Variants in RAB7B observed in about 807,000 individuals in gnomAD.
RAB7B encodes ras-related protein Rab-7b.
rs1660385660 is a variant in RAB7B at position 205,976,867 on chromosome 1, C to T, written c.*1984G>A. 1 of 152,236 alleles carries T rather than the reference C, an allele frequency of 6.6e-6. No homozygotes were observed. Among genetic ancestry groups the T allele is most frequent in the Non-Finnish European group, 1.5e-5 (1 of 68,052 alleles). 9.4% of individuals were successfully genotyped at this position (152,236 alleles called of 1,614,324 possible). On this transcript the variant is annotated 3_prime_UTR_variant, in exon 6 of 6. Coordinates refer to ENST00000617070, the MANE Select transcript of RAB7B (RefSeq NM_001164522.3). ...AATCCAGTCTGCCTGACTCCCAGGA[C>T]AGCCTGTGTGATATGCAAAATGCCA...
chr1:206,001,274 C>A (rs1189561123), intron 1 of RAB7B, among the ~76,000 whole-genome samples: 1 of 133,586 alleles, frequency 7.5e-6, no homozygotes, highest in South Asian at 2.1e-4. Context: ...TGGCAGTAGC[C>A]GTCTTTTTTT....
rs950036129 is a variant in RAB7B at position 205,983,255 on chromosome 1, C to G, written c.522+2285G>C. ...GCCCCAGGAACTCATGCCTGGGTCT[C>G]TGGCCTTGGCCTTCTCTCTGCCCTT... On this transcript the variant is annotated intron_variant, in intron 5 of 5. Coordinates refer to ENST00000617070, the MANE Select transcript of RAB7B (RefSeq NM_001164522.3). 1.4e-4 allele frequency among the ~76,000 whole-genome samples: 22 copies of G among 152,376 alleles called. 1 individual carries two copies. The South Asian group carries it at 3.9e-3, about 27-fold the overall frequency.
chr1:205,976,766 A>G lies in RAB7B; in HGVS notation c.*2085T>C, dbSNP rs1660383804. 1 of 152,182 alleles carries G rather than the reference A, an allele frequency of 6.6e-6. No individual in the cohort carries two copies. The highest frequency in any genetic ancestry group is 2.4e-5 in the African/African-American group (1 of 41,444). 9.4% of individuals were successfully genotyped at this position (152,182 alleles called of 1,614,324 possible). On this transcript the variant is annotated 3_prime_UTR_variant, in exon 6 of 6. Coordinates refer to ENST00000617070, the MANE Select transcript of RAB7B (RefSeq NM_001164522.3). ...AAAAACAAAGAAGGACACATTTATT[A>G]TTTGTTGTGCACCTTTAGAAATGGT...
rs1018127612 is a variant in RAB7B at position 205,978,038 on chromosome 1, C to G, written c.*813G>C. The G allele has an allele frequency of 3.3e-5, 5 of 152,208 alleles. No homozygotes were observed. Among genetic ancestry groups the G allele is most frequent in the Admixed American group, 6.5e-5 (1 of 15,286 alleles). 9.4% of individuals were successfully genotyped at this position (152,208 alleles called of 1,614,324 possible). On this transcript the variant is annotated 3_prime_UTR_variant, in exon 6 of 6. Transcript: ENST00000617070. ...TGTCACTGGACTTCAATGCATCGTA[C>G]ATAGTAGATACGCAAAAATAAACTT...
chr1:205,997,806 G>A (rs918781932), intron 1 of RAB7B, among the ~76,000 whole-genome samples: 1 of 152,296 alleles, frequency 6.6e-6, no homozygotes, highest in East Asian at 1.9e-4. Context: ...TTGATACAAC[G>A]TGCTAACTTA....
intron 4 of RAB7B, among the ~76,000 whole-genome samples, 175 bp from the exon 5 acceptor site, chr1:205,985,840 A>AGGCCCACCATCC (rs1660595310): frequency 6.8e-6 from 1 of 147,326 alleles, no homozygotes; most frequent in Admixed American, 6.9e-5. Flanking sequence ...CACCAGGCCC[A>AGGCCCACCATCC]CCACCACTCC....
intron 1 of RAB7B, among the ~76,000 whole-genome samples, chr1:205,997,937 G>T (rs1300174486): frequency 6.6e-6 from 1 of 152,332 alleles, no homozygotes; most frequent in African/African-American, 2.4e-5. Flanking sequence ...GTATTCTACC[G>T]AGGGCAGGCC....
chr1:205,995,857 C>T (rs1333758427), intron 1 of RAB7B, among the ~76,000 whole-genome samples: 1 of 151,992 alleles, frequency 6.6e-6, no homozygotes, highest in African/African-American at 2.4e-5. Flanking sequence ...TTGAAAATTC[C>T]TAATAGAGTT....
chr1:205,980,827 C>T (rs1313988055), intron 5 of RAB7B, among the ~76,000 whole-genome samples: 1 of 138,730 alleles, frequency 7.2e-6, no homozygotes, highest in African/African-American at 2.7e-5. Flanking sequence ...CCCTCCCTCC[C>T]CTTCCCCTCC....
intron 1 of RAB7B, among the ~76,000 whole-genome samples, chr1:205,997,850 A>G (rs1044153811): frequency 1.1e-4 from 16 of 152,194 alleles, no homozygotes; most frequent in African/African-American, 3.6e-4. Flanking sequence ...TTAGAAAGAG[A>G]GTCAGAACCA....
chr1:205,997,457 G>A (rs941513836), intron 1 of RAB7B, among the ~76,000 whole-genome samples: 3 of 152,190 alleles, frequency 2.0e-5, no homozygotes, highest in South Asian at 2.1e-4. Flanking sequence ...GAAAGTGGGC[G>A]ATTTGCTTCA....
At chr1:206,002,028 C>T (rs932291594) in intron 1 of RAB7B, among the ~76,000 whole-genome samples, 20 of 152,278 alleles carry the variant, frequency 1.3e-4, no homozygotes, top group African/African-American at 4.8e-4. Context: ...AGTCTCCCGC[C>T]CCCATCATAC....
intron 4 of RAB7B, among the ~76,000 whole-genome samples, chr1:205,990,068 T>G (rs932681273): frequency 5.9e-5 from 9 of 152,118 alleles, no homozygotes; most frequent in Non-Finnish European, 1.3e-4. Flanking sequence ...AAGATGGAAG[T>G]TAAAATGAAA....
chr1:205,983,735 G>A (rs1660539562), intron 5 of RAB7B: 1 of 151,948 alleles, frequency 6.6e-6, no homozygotes, highest in South Asian at 2.1e-4. Context: ...AAACATGGGG[G>A]ACCGACATGG....
rs1043170877 is a variant in RAB7B, at chr1:205,986,625, G to C, written c.397-960C>G. The stretch of plus-strand genomic sequence containing the variant: ...ACTACATCTCCACCCAAGTGCAAAC[G>C]GCGTTCAATTTGTGATGTTGGCTTG... On this transcript the variant is annotated intron_variant, in intron 4 of 5. Coordinates refer to ENST00000617070, the MANE Select transcript of RAB7B (RefSeq NM_001164522.3). Among the ~76,000 whole-genome samples, 19 of 152,332 alleles carry C rather than the reference G, an allele frequency of 1.2e-4. No individual in the cohort carries two copies. In the South Asian group the frequency reaches 3.7e-3, roughly 30 times the overall value.
chr1:205,988,353 C>T (rs949896509), intron 4 of RAB7B, among the ~76,000 whole-genome samples: 4 of 150,894 alleles, frequency 2.7e-5, no homozygotes, highest in African/African-American at 7.3e-5. Flanking sequence ...CTCAGCCTTC[C>T]GAGTAGTTCA....
intron 4 of RAB7B, among the ~76,000 whole-genome samples, chr1:205,986,805 A>G (rs1431422842): frequency 6.6e-6 from 1 of 152,162 alleles, no homozygotes; most frequent in Non-Finnish European, 1.5e-5. Flanking sequence ...TAGGGGAGCC[A>G]AGGTCTTTCT....
At chr1:205,993,123 C>G (rs1002329789) in intron 3 of RAB7B, among the ~76,000 whole-genome samples, 5 of 152,114 alleles carry the variant, frequency 3.3e-5, no homozygotes, top group African/African-American at 1.2e-4. Flanking sequence ...CTATAAATAA[C>G]AGATAGTAAA....
At chr1:205,981,359 C>A (rs1660487064) in intron 5 of RAB7B, among the ~76,000 whole-genome samples, 7 of 152,214 alleles carry the variant, frequency 4.6e-5, no homozygotes, top group Non-Finnish European at 1.0e-4. Flanking sequence ...AGTAATCTAC[C>A]TTTCCTTTCA....
Sources: gnomAD v4.1 joint callset for allele counts (sites outside exome capture counted in the v4.1 genomes callset) on GRCh38, gnomAD v4.1.1 for gene constraint, MANE v1.5 for transcripts, NCBI Gene and HGNC (gene_info 2026-07-23, HGNC 2026-07-21) for gene names.